PLEKHG4B: variants seen among roughly 807,000 people sequenced by gnomAD.
PLEKHG4B encodes the protein pleckstrin homology and RhoGEF domain containing G4B.
In PLEKHG4B, 111 loss-of-function variants were observed where a neutral mutation model predicts 121.3. That is an observed-to-expected ratio of 0.92 (90% CI 0.78 to 1.07). The LOEUF is 1.07. Among genes scored for constraint, PLEKHG4B ranks in the 50% least tolerant of loss-of-function variants. The pLI, the probability that PLEKHG4B is intolerant of heterozygous loss-of-function variation, is 0.00. For synonymous variants in PLEKHG4B, 738 were observed against 725.0 expected (o/e 1.02, Z -0.29); for missense variants, 1,831 against 1,757.8 (o/e 1.04, Z -0.74).
intron 2 of PLEKHG4B, among the ~76,000 whole-genome samples, chr5:116,776 C>T (rs886336520): frequency 2.0e-5 from 3 of 152,180 alleles, no homozygotes; most frequent in Non-Finnish European, 2.9e-5. Context: ...TTATTAGACT[C>T]GTTGAGTGTC....
At chr5:164,773 A>C (rs1350776795) in intron 13 of PLEKHG4B, among the ~76,000 whole-genome samples, 2 of 103,388 alleles carry the variant, frequency 1.9e-5, no homozygotes, top group Admixed American at 1.0e-4. Context: ...GACGGGGCGG[A>C]GCTCACACTA....
intron 2 of PLEKHG4B, among the ~76,000 whole-genome samples, chr5:120,976 G>T (rs1323671062): frequency 6.6e-6 from 1 of 152,220 alleles, no homozygotes; most frequent in Non-Finnish European, 1.5e-5. Context: ...GCCAGGTGTG[G>T]TGGCTCACGC....
chr5:142,919 A>G, intron 3 of PLEKHG4B, 128 bp from the exon 4 acceptor site: 5 of 889,542 alleles, frequency 5.6e-6, no homozygotes, highest in Admixed American at 4.1e-5. Flanking sequence ...AACTGGGACA[A>G]GTTTTCTCGG....
rs1257736481 is a variant in PLEKHG4B at position 172,962 on chromosome 5, G to A, written c.4116G>A (p.Lys1372=). The A allele has an allele frequency of 1.2e-6, 2 of 1,614,190 alleles. No individual in the cohort carries two copies. The highest frequency in any genetic ancestry group is 2.2e-5 in the South Asian group (2 of 91,074). Residue 1372 remains lysine, a synonymous_variant, in exon 17 of 20, where the codon AAG becomes AAA. Coordinates refer to ENST00000637938, the MANE Select transcript of PLEKHG4B (RefSeq NM_052909.5). ...AGTTTATCGTTTGCTGCGGGAGGAAGAAGTATCTGAGGCATGTGTTCCTCT... is the reference window on the plus strand; with the variant it reads ...AGTTTATCGTTTGCTGCGGGAGGAAAAAGTATCTGAGGCATGTGTTCCTCT... The part of the protein sequence containing the change: ...RDEFIVCCGR[K]KYLRHVFLFE...
intron 13 of PLEKHG4B, among the ~76,000 whole-genome samples, chr5:165,926 C>A (rs1303055838): frequency 2.4e-4 from 4 of 16,690 alleles, no homozygotes; most frequent in African/African-American, 8.4e-4. Flanking sequence ...TCTGACGGGG[C>A]GGGGCTCACA....
rs4956992 is a variant in PLEKHG4B, at chr5:183,991, C to A, written c.*1668C>A. ...CAGACAGATAGATAGATAGATAGATCGATAGATAGATAGATAGATAGATAG... is the reference window on the plus strand; with the variant it reads ...CAGACAGATAGATAGATAGATAGATAGATAGATAGATAGATAGATAGATAG... On this transcript the variant is annotated 3_prime_UTR_variant, in exon 20 of 20. Transcript: ENST00000637938. 0.12 allele frequency: 12,350 copies of A among 104,684 alleles called. 706 individuals carry two copies. The highest frequency in any genetic ancestry group is 0.17 in the Non-Finnish European group (7,075 of 41,224). 6.5% of individuals were successfully genotyped at this position (104,684 alleles called of 1,614,324 possible). A position where few individuals can be genotyped will look rare whatever the true frequency, so the allele number is the denominator to read the frequency against.
chr5:136,267 A>AT (rs1254568841), intron 2 of PLEKHG4B, among the ~76,000 whole-genome samples: 1 of 152,194 alleles, frequency 6.6e-6, no homozygotes, highest in East Asian at 1.9e-4. Context: ...TTTGGCAAAG[A>AT]TTTTTTAGAT....
chr5:164,717 AGCTCACACTAATACTCTGACGGGGCGGG>A (rs1736213874), intron 13 of PLEKHG4B, among the ~76,000 whole-genome samples: 3 of 39,894 alleles, frequency 7.5e-5, no homozygotes, highest in South Asian at 1.1e-3. Flanking sequence ...GACGGGGCGG[AGCTCACACTAATACTCTGACGGGGCGGG>A]GCTCACAGTA....
At chr5:138,153 CA>C (rs1735039863) in intron 2 of PLEKHG4B, among the ~76,000 whole-genome samples, 1 of 152,250 alleles carries the variant, frequency 6.6e-6, no homozygotes, top group African/African-American at 2.4e-5. Flanking sequence ...ACCCGCCCCC[CA>C]CCGGCAGCTA....
At chr5:92,865 G>C (rs925236658) in intron 1 of PLEKHG4B, among the ~76,000 whole-genome samples, 3 of 152,118 alleles carry the variant, frequency 2.0e-5, no homozygotes, top group Admixed American at 1.3e-4. Context: ...TACCAAGATT[G>C]ACTTTTGTGT....
chr5:164,488 C>CAG (rs1379364861), intron 13 of PLEKHG4B, among the ~76,000 whole-genome samples: 4 of 100,126 alleles, frequency 4.0e-5, no homozygotes, highest in Admixed American at 9.5e-5. Context: ...AGAGCTCACA[C>CAG]TAATGCTCTG....
chr5:112,555 G>T (rs971326618), intron 1 of PLEKHG4B, among the ~76,000 whole-genome samples: 2 of 152,092 alleles, frequency 1.3e-5, no homozygotes, highest in Admixed American at 1.3e-4. Flanking sequence ...AAGAATCATT[G>T]CCTCTTCATA....
chr5:114,474 T>G (rs1411472304), intron 2 of PLEKHG4B, among the ~76,000 whole-genome samples: 1 of 152,202 alleles, frequency 6.6e-6, no homozygotes, highest in Non-Finnish European at 1.5e-5. Flanking sequence ...GTTTGTTTTT[T>G]TGAGATGGAG....
chr5:170,877 A>G (rs911619768), intron 14 of PLEKHG4B, among the ~76,000 whole-genome samples, 166 bp from the exon 15 acceptor site: 8 of 152,064 alleles, frequency 5.3e-5, no homozygotes, highest in Non-Finnish European at 1.0e-4. Flanking sequence ...GGATACTCTG[A>G]TAGTCTTTAA....
In PLEKHG4B at chr5:156,934, G is replaced by C. The variant is rs749722116; in HGVS notation, c.2487+23G>C. 3.7e-6 allele frequency: 6 copies of C among 1,608,848 alleles called. No homozygotes were observed. The Admixed American group carries it at 1.0e-4, about 27-fold the overall frequency. ...CAGGTCAGAGCTGCAGGAGGAAGGC[G>C]GCCCGGTCAGCATCCCCTCCAGGCC... On this transcript the variant is annotated intron_variant, in intron 11 of 19. Transcript: ENST00000637938. This position sits in a 1 kb window ranked among gnomAD's most constrained non-coding sequence, Gnocchi z 4.4.
In PLEKHG4B at chr5:138,797, G is replaced by A. The variant is rs148788065; in HGVS notation, c.244-686G>A. Among the ~76,000 whole-genome samples the A allele has an allele frequency of 6.2e-3, 946 of 152,370 alleles. 3 individuals carry two copies. The highest frequency in any genetic ancestry group is 0.027 in the Middle Eastern group (8 of 294). ...ATGTTTACTGTATTTTAGTTTGTCA[G>A]AGCAACATTTGGGGAAAATAAACAC... On this transcript the variant is annotated intron_variant, in intron 2 of 19. Transcript: ENST00000637938.
Position 163,063 on chromosome 5 carries a change from C to A in PLEKHG4B, c.2991C>A (p.Asp997Glu). Residue 997 changes from aspartate (D) to glutamate (E), a missense_variant, in exon 13 of 20, where the codon GAC (aspartate) becomes GAA (glutamate). Physicochemically the swap from Asp to Glu is conservative, Grantham distance 45. Transcript: ENST00000637938. ...AGCCACCCTCATTCCCCAGCACGGA[C>A]AGTGGGGGTGGTGCCTGGGAACCTG... is the stretch of plus-strand genomic sequence containing the variant. ...HQKPPSFPSTDSGGGAWEPAQ... is the reference protein window; with the variant it reads ...HQKPPSFPSTESGGGAWEPAQ... The A allele has an allele frequency of 6.4e-7, 1 of 1,560,668 alleles. No individual in the cohort carries two copies. Among genetic ancestry groups the A allele is most frequent in the Non-Finnish European group, 8.7e-7 (1 of 1,152,440 alleles).
chr5:171,557 C>A, intron 16 of PLEKHG4B, 113 bp downstream of exon 16: 4 of 1,108,084 alleles, frequency 3.6e-6, no homozygotes, highest in Non-Finnish European at 2.5e-6. Context: ...GGCAGATTTG[C>A]CCCGGAGAAG....
At chr5:132,066 G>A (rs531085442) in intron 2 of PLEKHG4B, among the ~76,000 whole-genome samples, 12 of 152,084 alleles carry the variant, frequency 7.9e-5, no homozygotes, top group African/African-American at 2.7e-4. Context: ...TATTGTCCTC[G>A]GTGGGAGACT....
Sources: gnomAD v4.1 joint callset for allele counts (sites outside exome capture counted in the v4.1 genomes callset) on GRCh38, gnomAD v4.1.1 for gene constraint, Gnocchi (gnomAD v3.1) non-coding constraint, MANE v1.5 for transcripts, NCBI Gene and HGNC (gene_info 2026-07-23, HGNC 2026-07-21) for gene names.